AFF3: variants seen among roughly 807,000 people sequenced by gnomAD.
AFF3 encodes the protein ALF transcription elongation factor 3, also known as AF4/FMR2 family member 3.
AFF3 carries 32 observed loss-of-function variants against 129.7 expected under a neutral mutation model. The ratio of observed to expected loss-of-function variants is 0.25; its 90% CI spans 0.19 to 0.33. The LOEUF is 0.33. AFF3 is among the 10% of genes least tolerant of loss of function. AFF3 has a pLI of 1.00. For missense variants in AFF3, 1,373 were observed against 1,592.0 expected (o/e 0.86, Z 2.34); for synonymous variants, 644 against 635.4 (o/e 1.01, Z -0.20).
chr2:99,964,401 G>C (rs182932239), intron 7 of AFF3, among the ~76,000 whole-genome samples: 3 of 152,222 alleles, frequency 2.0e-5, no homozygotes, highest in Admixed American at 2.0e-4. Context: ...AAATCACACA[G>C]AGCATGTTCT....
chr2:99,852,568 C>T (rs756827370), intron 7 of AFF3, among the ~76,000 whole-genome samples: 12 of 152,186 alleles, frequency 7.9e-5, no homozygotes, highest in Non-Finnish European at 1.5e-4. Flanking sequence ...CAGATAACTG[C>T]TGGGCACCAA....
intron 11 of AFF3, among the ~76,000 whole-genome samples, chr2:99,719,732 G>C (rs1033019660): frequency 2.8e-4 from 43 of 152,198 alleles, no homozygotes; most frequent in African/African-American, 1.0e-3. Flanking sequence ...CTGTCTTCTG[G>C]CTTCAACCTA....
rs181544049 is a variant in AFF3, at chr2:100,075,519, C to T, written c.53+28883G>A. 7.6e-4 allele frequency among the ~76,000 whole-genome samples: 115 copies of T among 152,220 alleles called. 1 individual carries two copies. The highest frequency in any genetic ancestry group is 4.0e-4 in the Non-Finnish European group (27 of 68,026). ...CACTAAAGAATGCCCTTCCACAGAG[C>T]ACCACCAGACAAGAGCTTGGAGAAT... On this transcript the variant is annotated intron_variant, in intron 4 of 24. Transcript: ENST00000672756.
intron 11 of AFF3, among the ~76,000 whole-genome samples, chr2:99,702,563 C>A (rs1676967286): frequency 6.6e-6 from 1 of 152,058 alleles, no homozygotes; most frequent in South Asian, 2.1e-4. Context: ...TGGTCTCGAA[C>A]CCCTGACTCA....
intron 4 of AFF3, among the ~76,000 whole-genome samples, chr2:100,092,922 T>C (rs17437470): frequency 0.13 from 19,110 of 150,772 alleles, 1,547 homozygotes; most frequent in South Asian, 0.19. Context: ...CAGGCTAAAA[T>C]ATAAACATAT....
chr2:100,061,864 G>T (rs565590095), intron 4 of AFF3, among the ~76,000 whole-genome samples: 21 of 150,850 alleles, frequency 1.4e-4, no homozygotes, highest in South Asian at 6.5e-4. Flanking sequence ...TGGAGGGGGG[G>T]GGGGTGCCGA....
intron 8 of AFF3, among the ~76,000 whole-genome samples, chr2:99,783,802 C>A (rs1293642241): frequency 6.6e-6 from 1 of 152,148 alleles, no homozygotes; most frequent in African/African-American, 2.4e-5. Context: ...ATATTTTATT[C>A]TTGCTGTGGT....
At chr2:99,930,176 A>G (rs1181834448) in intron 7 of AFF3, among the ~76,000 whole-genome samples, 2 of 152,192 alleles carry the variant, frequency 1.3e-5, no homozygotes, top group Admixed American at 1.3e-4. Context: ...CTATAAAAGA[A>G]GACTTTGTAG....
chr2:99,777,947 C>CAAA (rs576434643), intron 8 of AFF3, among the ~76,000 whole-genome samples: 18 of 48,306 alleles, frequency 3.7e-4, no homozygotes, highest in East Asian at 8.8e-4. Flanking sequence ...AAAGCAAAAG[C>CAAA]AAAAAAAAAA....
At chr2:99,651,634 G>T (rs1685266780) in intron 12 of AFF3, among the ~76,000 whole-genome samples, 2 of 151,930 alleles carry the variant, frequency 1.3e-5, no homozygotes. Context: ...TAGAGACAGG[G>T]TCTCATCATG....
intron 17 of AFF3, among the ~76,000 whole-genome samples, chr2:99,579,977 T>TTTTACGTGTAGC (rs1677375513): frequency 1.3e-5 from 2 of 152,242 alleles, no homozygotes; most frequent in Middle Eastern, 6.3e-3. Flanking sequence ...GGTTAGAGTC[T>TTTTACGTGTAGC]ACTGTCATAG....
At chr2:100,130,501 T>C (rs201829119) in intron 1 of AFF3, among the ~76,000 whole-genome samples, 1 of 152,224 alleles carries the variant, frequency 6.6e-6, no homozygotes, top group Non-Finnish European at 1.5e-5. Flanking sequence ...AAGAGAAGTG[T>C]GGGCTGGATT....
At chr2:99,968,116 C>G (rs368341616) in intron 7 of AFF3, among the ~76,000 whole-genome samples, 20 of 152,308 alleles carry the variant, frequency 1.3e-4, no homozygotes, top group African/African-American at 4.6e-4. Context: ...TCATCCTCCT[C>G]TCAAGGCCCA....
chr2:100,024,091 G>A (rs1321201902), intron 4 of AFF3, among the ~76,000 whole-genome samples: 3 of 151,708 alleles, frequency 2.0e-5, no homozygotes, highest in African/African-American at 7.3e-5. Context: ...AATTAGCCGG[G>A]CGTGGTGGCG....
rs375659625 is a variant in AFF3 at position 99,849,027 on chromosome 2, G to GT, written c.874-11504dup. Among the ~76,000 whole-genome samples, 29 of 152,240 alleles carry GT rather than the reference G, an allele frequency of 1.9e-4. 1 individual carries two copies. Among genetic ancestry groups the GT allele is most frequent in the African/African-American group, 7.0e-4 (29 of 41,546 alleles). On this transcript the variant is annotated intron_variant, in intron 7 of 24. Coordinates refer to ENST00000672756, the MANE Select transcript of AFF3 (RefSeq NM_001386135.1). ...GTGCCAGGTAGTCTAAAGAGTGAAT[G>GT]TAAGAAAAGACTGGCTACTGCTTAG... is the stretch of plus-strand genomic sequence containing the variant.
chr2:99,675,260 C>T (rs1687503852), intron 11 of AFF3, among the ~76,000 whole-genome samples: 1 of 152,196 alleles, frequency 6.6e-6, no homozygotes, highest in Non-Finnish European at 1.5e-5. Context: ...TCAAATCTAA[C>T]TAAACTTCAG....
intron 7 of AFF3, among the ~76,000 whole-genome samples, chr2:99,924,410 C>T (rs953474588): frequency 5.3e-5 from 8 of 152,176 alleles, no homozygotes; most frequent in African/African-American, 1.4e-4. Context: ...ACCCATATTA[C>T]GATTAGCATC....
chr2:99,560,493 T>C, intron 20 of AFF3, 57 bp from the exon 21 acceptor site: 7 of 1,506,988 alleles, frequency 4.6e-6, no homozygotes, highest in Non-Finnish European at 6.4e-6. Flanking sequence ...AAAGAAATAG[T>C]AAAACTAGCT....
chr2:99,720,637 T>C (rs1465825008), intron 11 of AFF3, among the ~76,000 whole-genome samples: 1 of 152,208 alleles, frequency 6.6e-6, no homozygotes, highest in African/African-American at 2.4e-5. Context: ...TTTAATGCAG[T>C]TACTAATATG....
Sources: allele counts gnomAD v4.1 joint callset (sites outside exome capture counted in the v4.1 genomes callset), GRCh38; gene constraint gnomAD v4.1.1; transcripts MANE v1.5; gene names NCBI Gene and HGNC (gene_info 2026-07-23, HGNC 2026-07-21).